The following ATRNL1 variants were observed in gnomAD, a reference collection of about 807,000 sequenced individuals.
The protein encoded by ATRNL1 is attractin like 1, also known as attractin-like protein 1.
Under a neutral mutation model 182.7 loss-of-function variants are expected in ATRNL1, and 95 were observed. The observed-to-expected ratio is 0.52, with a 90% confidence interval of 0.44 to 0.62. The LOEUF (loss-of-function observed/expected upper bound fraction) is 0.62, where lower values mean the gene tolerates loss of function less well. Among genes scored for constraint, ATRNL1 ranks in the 20% least tolerant of loss-of-function variants. The probability of loss-of-function intolerance (pLI) is 0.00; values close to 1 mark genes in which losing one functional copy is unlikely to be tolerated. For missense variants in ATRNL1, 1,471 were observed against 1,679.5 expected, an observed-to-expected ratio of 0.88 and a Z score of 2.17; for synonymous variants, 576 against 568.3, an observed-to-expected ratio of 1.01 and a Z score of -0.19.
rs146027726 is a variant in ATRNL1 at position 115,481,081 on chromosome 10, G to A, written c.3654+11752G>A. On this transcript the variant is annotated intron_variant, in intron 24 of 28. Transcript: ENST00000355044. Reference sequence around the variant, plus strand: ...GAAACTCTTCTAAAAATTTTAATGCGGTTTTGTTAAATATTCATAATAATC... The same window carrying A: ...GAAACTCTTCTAAAAATTTTAATGCAGTTTTGTTAAATATTCATAATAATC... Among the ~76,000 whole-genome samples the A allele has an allele frequency of 1.6e-3, 239 of 150,306 alleles. 1 individual carries two copies. The highest frequency in any genetic ancestry group is 5.6e-3 in the African/African-American group (230 of 41,288).
chr10:115,530,617 A>T (rs1851510458), intron 25 of ATRNL1, among the ~76,000 whole-genome samples: 1 of 152,024 alleles, frequency 6.6e-6, no homozygotes. Flanking sequence ...TGATTTGGGA[A>T]AAATAAGACT....
At chr10:115,665,337 G>C (rs534459973) in intron 26 of ATRNL1, among the ~76,000 whole-genome samples, 3 of 152,118 alleles carry the variant, frequency 2.0e-5, no homozygotes, top group South Asian at 2.1e-4. Context: ...GCACAAAGAA[G>C]GTAAGTGGCT....
intron 27 of ATRNL1, among the ~76,000 whole-genome samples, chr10:115,759,790 C>T (rs1948686424): frequency 6.7e-6 from 1 of 150,198 alleles, no homozygotes; most frequent in Non-Finnish European, 1.5e-5. Flanking sequence ...ATTCTCCTGC[C>T]TCAGCCTCCT....
chr10:115,333,315 G>A (rs1253910649), intron 18 of ATRNL1, among the ~76,000 whole-genome samples: 2 of 152,166 alleles, frequency 1.3e-5, no homozygotes, highest in Admixed American at 6.6e-5. Flanking sequence ...TTTATATTCT[G>A]CTGTAATATT....
chr10:115,630,449 C>T (rs2804248), intron 26 of ATRNL1, among the ~76,000 whole-genome samples: 151,418 of 151,908 alleles, frequency 1, 75,471 homozygotes, highest in Middle Eastern at 1. Context: ...GAAAACAATA[C>T]GGACATTCCT....
At chr10:115,575,923 C>T (rs575395456) in intron 26 of ATRNL1, among the ~76,000 whole-genome samples, 1 of 152,030 alleles carries the variant, frequency 6.6e-6, no homozygotes, top group African/African-American at 2.4e-5. Context: ...CCCTTGAAAA[C>T]CACTGTTATT....
chr10:115,864,948 C>G lies in ATRNL1; in HGVS notation c.4018+16957C>G, dbSNP rs1392326547. The stretch of plus-strand genomic sequence containing the variant: ...AGTGAGCCGAGATGGTGCCATTGCA[C>G]TCCAGCCTGGGCGACAGAGCGAGAC... On this transcript the variant is annotated intron_variant, in intron 28 of 28. Transcript: ENST00000355044. Among the ~76,000 whole-genome samples the G allele has an allele frequency of 5.3e-5, 8 of 150,698 alleles. No homozygotes were observed. The East Asian group carries it at 1.6e-3, about 29-fold the overall frequency.
intron 26 of ATRNL1, among the ~76,000 whole-genome samples, chr10:115,708,541 A>T (rs534736626): frequency 6.6e-6 from 1 of 151,726 alleles, no homozygotes; most frequent in Admixed American, 6.6e-5. Context: ...AATGGCTAAG[A>T]TCTTTGTATA....
intron 26 of ATRNL1, among the ~76,000 whole-genome samples, chr10:115,693,237 A>G (rs1946448987): frequency 6.6e-6 from 1 of 152,154 alleles, no homozygotes; most frequent in Admixed American, 6.6e-5. Flanking sequence ...TTTTTTACAT[A>G]TATTTCTGTT....
intron 26 of ATRNL1, among the ~76,000 whole-genome samples, chr10:115,635,296 G>T (rs1359625524): frequency 8.1e-5 from 12 of 147,704 alleles, no homozygotes; most frequent in African/African-American, 3.0e-4. Flanking sequence ...AAAAGATAGA[G>T]ACAACAGAGT....
chr10:115,877,121 C>T (rs1327248188), intron 28 of ATRNL1, among the ~76,000 whole-genome samples: 4 of 152,126 alleles, frequency 2.6e-5, no homozygotes, highest in African/African-American at 4.8e-5. Flanking sequence ...AATACTTTTC[C>T]GGCTTTCTTA....
chr10:115,440,551 A>G (rs1424749700), intron 21 of ATRNL1, among the ~76,000 whole-genome samples: 1 of 151,792 alleles, frequency 6.6e-6, no homozygotes, highest in Non-Finnish European at 1.5e-5. Flanking sequence ...CATTAACCCT[A>G]CTTGTTTTCT....
chr10:115,426,220 A>T (rs782265921), intron 20 of ATRNL1, 30 bp from the exon 21 acceptor site: 25 of 1,596,678 alleles, frequency 1.6e-5, no homozygotes, highest in Non-Finnish European at 2.1e-5. Flanking sequence ...TGCATTGTTT[A>T]ATAGTAAATG....
intron 5 of ATRNL1, among the ~76,000 whole-genome samples, chr10:115,134,183 A>G (rs1406464965): frequency 2.0e-5 from 3 of 152,210 alleles, no homozygotes; most frequent in Admixed American, 1.3e-4. Flanking sequence ...AGAAATAACT[A>G]AGATCAGAGC....
chr10:115,192,608 G>A (rs2120437), intron 8 of ATRNL1, among the ~76,000 whole-genome samples: 46,147 of 151,844 alleles, frequency 0.3, 8,142 homozygotes, highest in Middle Eastern at 0.43. Context: ...TAAATTTTAG[G>A]ATCATTCTTT....
At chr10:115,192,083 G>A (rs530085500) in intron 8 of ATRNL1, among the ~76,000 whole-genome samples, 4 of 152,118 alleles carry the variant, frequency 2.6e-5, no homozygotes, top group African/African-American at 9.6e-5. Context: ...TTGCTGTGCA[G>A]AAGATTTTTT....
At chr10:115,608,202 C>T (rs2804222) in intron 26 of ATRNL1, among the ~76,000 whole-genome samples, 147,832 of 152,028 alleles carry the variant, frequency 0.97, 72,038 homozygotes, top group East Asian at 1. Flanking sequence ...GTGGTATTTT[C>T]CAAGAAGACT....
At chr10:115,535,281 ATAT>A (rs1851902662) in intron 25 of ATRNL1, among the ~76,000 whole-genome samples, 1 of 152,036 alleles carries the variant, frequency 6.6e-6, no homozygotes, top group South Asian at 2.1e-4. Flanking sequence ...ACATAATCCC[ATAT>A]TTCTTGGAGG....
intron 26 of ATRNL1, among the ~76,000 whole-genome samples, chr10:115,695,145 A>G (rs1306273788): frequency 6.6e-6 from 1 of 152,164 alleles, no homozygotes; most frequent in Non-Finnish European, 1.5e-5. Context: ...AAGAAAAAAA[A>G]GAAAAATTCA....
Sources: allele counts gnomAD v4.1 joint callset (sites outside exome capture counted in the v4.1 genomes callset), GRCh38; gene constraint gnomAD v4.1.1; transcripts MANE v1.5; gene names NCBI Gene and HGNC (gene_info 2026-07-23, HGNC 2026-07-21).